GNA12: variants seen among roughly 807,000 people sequenced by gnomAD.
GNA12 encodes the protein G protein subunit alpha 12.
A neutral mutation model predicts 26.0 loss-of-function variants in GNA12; 9 were observed. That is an observed-to-expected ratio of 0.35 (90% CI 0.21 to 0.60). The LOEUF (loss-of-function observed/expected upper bound fraction) is 0.60, where lower values mean the gene tolerates loss of function less well. GNA12 is among the 20% of genes least tolerant of loss of function. The pLI is 0.78. For missense variants in GNA12, 405 were observed against 525.8 expected, an observed-to-expected ratio of 0.77 and a Z score of 2.25; for synonymous variants, 264 against 219.6, an observed-to-expected ratio of 1.20 and a Z score of -1.79.
At chr7:2,777,131 G>A (rs933592418) in intron 2 of GNA12, among the ~76,000 whole-genome samples, 4 of 152,120 alleles carry the variant, frequency 2.6e-5, no homozygotes, top group Non-Finnish European at 5.9e-5. Context: ...GTGGACTGAG[G>A]GGAGACACTG....
rs895389831 is a variant in GNA12 at position 2,748,355 on chromosome 7, G to A, written c.526-14854C>T. 1.1e-3 allele frequency among the ~76,000 whole-genome samples: 162 copies of A among 152,158 alleles called. 2 individuals are homozygous for A. Among genetic ancestry groups the A allele is most frequent in the Admixed American group, 0.01 (157 of 15,266 alleles). On this transcript the variant is annotated intron_variant, in intron 2 of 3. Transcript: ENST00000275364. ...GAACAGAGCCCTCAGAAATAATGCT[G>A]CATATCTACAACTATCTGATCTTTG...
intron 1 of GNA12, among the ~76,000 whole-genome samples, chr7:2,833,645 G>T (rs1182180): frequency 0.42 from 63,629 of 152,016 alleles, 13,599 homozygotes; most frequent in Admixed American, 0.47. Context: ...TGTTTTGTTT[G>T]GTTTTTTGGT....
chr7:2,745,729 T>C (rs1790733027), intron 2 of GNA12, among the ~76,000 whole-genome samples: 1 of 152,314 alleles, frequency 6.6e-6, no homozygotes, highest in Middle Eastern at 3.4e-3. Flanking sequence ...ACTGGCAAAT[T>C]GGATAAAGAG....
intron 1 of GNA12, among the ~76,000 whole-genome samples, chr7:2,823,698 T>C (rs550325984): frequency 1.2e-3 from 180 of 149,048 alleles, no homozygotes; most frequent in Non-Finnish European, 2.2e-3. Flanking sequence ...CTAGGCAAGC[T>C]AAAAAAAAAA....
At chr7:2,754,480 C>T (rs1248183991) in intron 2 of GNA12, among the ~76,000 whole-genome samples, 2 of 151,992 alleles carry the variant, frequency 1.3e-5, no homozygotes, top group Non-Finnish European at 2.9e-5. Flanking sequence ...CGGTGGCTCA[C>T]CCCTGTAATC....
intron 1 of GNA12, among the ~76,000 whole-genome samples, chr7:2,837,219 G>A (rs1778862932): frequency 6.6e-6 from 1 of 151,910 alleles, no homozygotes; most frequent in African/African-American, 2.4e-5. Flanking sequence ...ATGGGAGGGT[G>A]GGAGGGGGGA....
At chr7:2,780,051 C>G (rs55850120) in intron 2 of GNA12, among the ~76,000 whole-genome samples, 1 of 62,208 alleles carries the variant, frequency 1.6e-5, no homozygotes, top group Non-Finnish European at 3.2e-5. Context: ...TTTCTGTGTA[C>G]ATATATATAT....
intron 2 of GNA12, among the ~76,000 whole-genome samples, chr7:2,748,596 A>G (rs1337243455): frequency 1.3e-5 from 2 of 152,170 alleles, no homozygotes; most frequent in African/African-American, 4.8e-5. Flanking sequence ...GGACATAGGC[A>G]TGGGCAAGGA....
intron 2 of GNA12, among the ~76,000 whole-genome samples, chr7:2,744,826 G>T (rs1295800503): frequency 6.6e-6 from 1 of 152,144 alleles, no homozygotes; most frequent in Non-Finnish European, 1.5e-5. Flanking sequence ...GTCCTTAAAG[G>T]ACCTGATGGA....
At chr7:2,773,831 C>T (rs892373356) in intron 2 of GNA12, among the ~76,000 whole-genome samples, 1 of 152,216 alleles carries the variant, frequency 6.6e-6, no homozygotes. Context: ...CCTACAGTAA[C>T]ATTTTTGTAA....
intron 1 of GNA12, among the ~76,000 whole-genome samples, chr7:2,820,379 T>C (rs1047291002): frequency 6.7e-6 from 1 of 149,810 alleles, no homozygotes; most frequent in African/African-American, 2.5e-5. Flanking sequence ...TGGTATGATA[T>C]GTGAGTTATA....
intron 1 of GNA12, among the ~76,000 whole-genome samples, chr7:2,826,128 T>G (rs1793479596): frequency 6.6e-6 from 1 of 151,904 alleles, no homozygotes; most frequent in Non-Finnish European, 1.5e-5. Context: ...CCTGTAATCC[T>G]AGCACTTTGG....
At chr7:2,831,880 G>T (rs973157803) in intron 1 of GNA12, among the ~76,000 whole-genome samples, 1 of 152,148 alleles carries the variant, frequency 6.6e-6, no homozygotes, top group Non-Finnish European at 1.5e-5. Flanking sequence ...CCTCTTACCT[G>T]TAATGGAAAC....
chr7:2,791,169 G>C (rs1792508259), intron 2 of GNA12, among the ~76,000 whole-genome samples: 1 of 152,164 alleles, frequency 6.6e-6, no homozygotes, highest in Admixed American at 6.5e-5. Context: ...ATTTATATTA[G>C]TTATACCGAT....
intron 2 of GNA12, among the ~76,000 whole-genome samples, chr7:2,769,833 A>G (rs986759716): frequency 6.6e-6 from 1 of 152,206 alleles, no homozygotes; most frequent in African/African-American, 2.4e-5. Flanking sequence ...AGGGTTTAAG[A>G]TACCCACTTC....
intron 2 of GNA12, among the ~76,000 whole-genome samples, chr7:2,749,138 G>T (rs536034500): frequency 7.2e-5 from 11 of 151,944 alleles, no homozygotes; most frequent in Non-Finnish European, 1.0e-4. Flanking sequence ...AAATACCATT[G>T]GACCCAGCCA....
In GNA12 at chr7:2,794,664, A is replaced by G. The variant is rs537922704; in HGVS notation, c.525+264T>C. 363 of 487,386 alleles carry G rather than the reference A, an allele frequency of 7.4e-4. 1 individual carries two copies. The highest frequency in any genetic ancestry group is 6.8e-3 in the African/African-American group (352 of 51,790). The allele number at this position is 487,386 out of a possible 1,614,324, so 30.2% of individuals were successfully genotyped here. On this transcript the variant is annotated intron_variant, in intron 2 of 3. Transcript: ENST00000275364. Reference sequence around the variant, plus strand: ...AAAACTAAATTTCTCGGGTTGTGCCAATGCTGATGATTCTAAGAACCCTCC... The same window carrying G: ...AAAACTAAATTTCTCGGGTTGTGCCGATGCTGATGATTCTAAGAACCCTCC...
In GNA12 at chr7:2,788,339, C is replaced by T. The variant is rs150564560; in HGVS notation, c.525+6589G>A. Among the ~76,000 whole-genome samples, 20 of 152,206 alleles carry T rather than the reference C, an allele frequency of 1.3e-4. No individual in the cohort carries two copies. The East Asian group carries it at 2.1e-3, about 16-fold the overall frequency. ...CGCTGTGGCCAGGTAACTGTGTTCC[C>T]GTTCAGGAGACTTCTGAGGATGTGT... On this transcript the variant is annotated intron_variant, in intron 2 of 3. Coordinates refer to ENST00000275364, the MANE Select transcript of GNA12 (RefSeq NM_007353.3).
intron 1 of GNA12, among the ~76,000 whole-genome samples, chr7:2,818,693 G>A (rs1332893737): frequency 2.0e-5 from 3 of 151,880 alleles, no homozygotes; most frequent in Non-Finnish European, 4.4e-5. Context: ...AGCCCAGGAG[G>A]TGGAGGTTGC....
Sources: gnomAD v4.1 joint callset for allele counts (sites outside exome capture counted in the v4.1 genomes callset) on GRCh38, gnomAD v4.1.1 for gene constraint, MANE v1.5 for transcripts, NCBI Gene and HGNC (gene_info 2026-07-23, HGNC 2026-07-21) for gene names.